Variants in SLC7A8 observed in about 807,000 individuals in gnomAD.
SLC7A8 encodes the protein solute carrier family 7 member 8.
SLC7A8 carries 30 observed loss-of-function variants against 51.2 expected under a neutral mutation model. The ratio of observed to expected loss-of-function variants is 0.59; its 90% CI spans 0.44 to 0.80. SLC7A8 has a LOEUF of 0.80. SLC7A8 is among the 30% of genes least tolerant of loss of function. The pLI, the probability that SLC7A8 is intolerant of heterozygous loss-of-function variation, is 0.00. For synonymous variants in SLC7A8, 257 were observed against 275.8 expected (o/e 0.93, Z 0.67); for missense variants, 612 against 674.4 (o/e 0.91, Z 1.03).
At chr14:23,177,204 TAC>T (rs1876964967) in intron 1 of SLC7A8, among the ~76,000 whole-genome samples, 1 of 152,274 alleles carries the variant, frequency 6.6e-6, no homozygotes, top group African/African-American at 2.4e-5. Flanking sequence ...GCTGCCTCCT[TAC>T]ATATTTTAAA....
chr14:23,125,613 G>A lies in SLC7A8; in HGVS notation c.*1564C>T, dbSNP rs2048568719. ...CAGCCTGCCGGGCATCTACTCTGAA[G>A]GGGTCACAACTCAGACCAAACTTGG... On this transcript the variant is annotated 3_prime_UTR_variant, in exon 11 of 11. Coordinates refer to ENST00000316902, the MANE Select transcript of SLC7A8 (RefSeq NM_012244.4). 6.6e-6 allele frequency: 1 copy of A among 152,652 alleles called. No homozygotes were observed. The highest frequency in any genetic ancestry group is 2.4e-5 in the African/African-American group (1 of 41,456). The allele number at this position is 152,652 out of a possible 1,614,324, so 9.5% of individuals were successfully genotyped here.
At chr14:23,127,770 C>G (rs2048591977) in intron 10 of SLC7A8, among the ~76,000 whole-genome samples, 1 of 152,340 alleles carries the variant, frequency 6.6e-6, no homozygotes, top group East Asian at 1.9e-4. Flanking sequence ...GCGTGAGCCA[C>G]TGTGCCCAGC....
At chr14:23,155,790 C>T (rs773958704) in intron 3 of SLC7A8, among the ~76,000 whole-genome samples, 5 of 151,428 alleles carry the variant, frequency 3.3e-5, no homozygotes, top group Non-Finnish European at 7.4e-5. Flanking sequence ...GCTAGCCTGA[C>T]CCTCCATCAT....
At chr14:23,166,265 C>T (rs2048949498) in intron 2 of SLC7A8, 71 bp downstream of exon 2, 1 of 1,557,224 alleles carries the variant, frequency 6.4e-7, no homozygotes, top group Non-Finnish European at 8.8e-7. Context: ...TGGCTTTTTC[C>T]AATCTGACCT....
chr14:23,139,296 TG>T, intron 6 of SLC7A8, 127 bp downstream of exon 6: 1 of 1,439,680 alleles, frequency 6.9e-7, no homozygotes, highest in South Asian at 1.2e-5. Flanking sequence ...ATGTGGTTTC[TG>T]CCCTGAGAAC....
chr14:23,139,840 TC>T (rs1186539187), intron 5 of SLC7A8, among the ~76,000 whole-genome samples: 1 of 152,030 alleles, frequency 6.6e-6, no homozygotes, highest in Non-Finnish European at 1.5e-5. Context: ...CAAGGCCTCT[TC>T]TTTACAAATT....
intron 4 of SLC7A8, 134 bp downstream of exon 4, chr14:23,142,945 G>A: frequency 2.5e-6 from 3 of 1,179,174 alleles, no homozygotes; most frequent in Non-Finnish European, 3.6e-6. Context: ...AGCAAGGGAA[G>A]AAGAAGAGAA....
chr14:23,140,320 G>A (rs117280412), intron 5 of SLC7A8, 151 bp downstream of exon 5: 25,032 of 838,758 alleles, frequency 0.03, 487 homozygotes, highest in Non-Finnish European at 0.038. Flanking sequence ...TAAGTGCCTG[G>A]GAAATGAACT....
At chr14:23,153,472 CACT>C (rs1353823174) in intron 3 of SLC7A8, among the ~76,000 whole-genome samples, 1 of 152,162 alleles carries the variant, frequency 6.6e-6, no homozygotes. Flanking sequence ...TACCCATGGT[CACT>C]ACTGCCAGTG....
chr14:23,143,068 G>T lies in SLC7A8; in HGVS notation c.634+11C>A. 1 of 1,613,506 alleles carries T rather than the reference G, an allele frequency of 6.2e-7. No individual in the cohort carries two copies. The highest frequency in any genetic ancestry group is 1.1e-5 in the South Asian group (1 of 91,056). ...AAGCTGGGCAGTACCTGTTTTTCCT[G>T]CGATACTCACCTTTGCATATCTGTA... On this transcript the variant is annotated intron_variant, in intron 4 of 10. Transcript: ENST00000316902.
chr14:23,157,508 T>C (rs1319090293), intron 3 of SLC7A8, among the ~76,000 whole-genome samples: 3 of 152,174 alleles, frequency 2.0e-5, no homozygotes, highest in Non-Finnish European at 4.4e-5. Context: ...GAAAGCCCAA[T>C]CTCTTTATGG....
intron 3 of SLC7A8, among the ~76,000 whole-genome samples, chr14:23,151,133 C>T (rs2048842988): frequency 6.6e-6 from 1 of 152,216 alleles, no homozygotes; most frequent in African/African-American, 2.4e-5. Flanking sequence ...CCCGTGCTGC[C>T]CCACTCCTCA....
rs148934901 is a variant in SLC7A8 at position 23,137,979 on chromosome 14, T to A, written c.958A>T (p.Ile320Phe). Residue 320 changes from isoleucine (I) to phenylalanine (F), a missense_variant, in exon 7 of 11, where the codon ATT (isoleucine) becomes TTT (phenylalanine). By Grantham distance (21) the Ile-to-Phe change is conservative. Coordinates refer to ENST00000316902, the MANE Select transcript of SLC7A8 (RefSeq NM_012244.4). ...LLGVMAWIMPISVALSTFGGV... is the reference protein window; with the variant it reads ...LLGVMAWIMPFSVALSTFGGV... ...CCAAATGTGGACAGGGCAACAGAAA[T>A]GGGCATGATCCAGGCCATGACTCCT... The A allele has an allele frequency of 1.7e-5, 28 of 1,610,836 alleles. No individual in the cohort carries two copies. Among genetic ancestry groups the A allele is most frequent in the Non-Finnish European group, 2.4e-5 (28 of 1,179,640 alleles).
At chr14:23,127,631 C>T (rs941231918) in intron 10 of SLC7A8, among the ~76,000 whole-genome samples, 5 of 152,234 alleles carry the variant, frequency 3.3e-5, no homozygotes, top group Non-Finnish European at 5.9e-5. Context: ...GAATGGCTGA[C>T]AGGTTGCCTA....
At chr14:23,145,033 C>T (rs1337912354) in intron 3 of SLC7A8, among the ~76,000 whole-genome samples, 3 of 150,670 alleles carry the variant, frequency 2.0e-5, no homozygotes, top group East Asian at 2.0e-4. Flanking sequence ...CCTGGGTTCA[C>T]GCCATTCTCC....
At chr14:23,176,212 C>T (rs936882642) in intron 1 of SLC7A8, among the ~76,000 whole-genome samples, 1 of 152,246 alleles carries the variant, frequency 6.6e-6, no homozygotes, top group African/African-American at 2.4e-5. Context: ...GTATAGACCA[C>T]ATGGGTGTGA....
chr14:23,131,430 T>G, intron 8 of SLC7A8, 31 bp downstream of exon 8: 2 of 1,514,248 alleles, frequency 1.3e-6, no homozygotes, highest in South Asian at 1.3e-5. Flanking sequence ...GAGGGAGGTG[T>G]GTGGAGAGTT....
chr14:23,128,167 C>A lies in SLC7A8; in HGVS notation c.1293G>T (p.Leu431Phe). The change falls in exon 10 of 11, where the codon TTG becomes TTT. Residue 431 changes from leucine to phenylalanine, a missense_variant. Coordinates refer to ENST00000316902, the MANE Select transcript of SLC7A8 (RefSeq NM_012244.4). This position sits in a 1 kb window ranked among gnomAD's most constrained non-coding sequence, Gnocchi z 4.3. ...KINLLFPIIY[L>F]LFWAFLLVFS... ...AGACCAGCAGGAAGGCCCAGAACAG[C>A]AAGTAGATGATGGGGAACAGCAGGT... 6.2e-7 allele frequency: 1 copy of A among 1,614,164 alleles called. No homozygotes were observed. Among genetic ancestry groups the A allele is most frequent in the Non-Finnish European group, 8.5e-7 (1 of 1,180,000 alleles).
At chr14:23,139,392 T>C (rs766658992) in intron 6 of SLC7A8, 32 bp downstream of exon 6, 1 of 1,613,404 alleles carries the variant, frequency 6.2e-7, no homozygotes, top group East Asian at 2.2e-5. Flanking sequence ...TCTGCATTCC[T>C]GGTATGAGAC....
Sources: allele counts gnomAD v4.1 joint callset (sites outside exome capture counted in the v4.1 genomes callset), GRCh38; gene constraint gnomAD v4.1.1; non-coding constraint Gnocchi (gnomAD v3.1); transcripts MANE v1.5; gene names NCBI Gene and HGNC (gene_info 2026-07-23, HGNC 2026-07-21).